The following UBAC2 variants were observed in gnomAD, a reference collection of about 807,000 sequenced individuals.
UBAC2 encodes ubiquitin-associated domain-containing protein 2.
Under a neutral mutation model 44.0 loss-of-function variants are expected in UBAC2, and 26 were observed. The ratio of observed to expected loss-of-function variants is 0.59; its 90% CI spans 0.43 to 0.82. The LOEUF (loss-of-function observed/expected upper bound fraction) is 0.82. UBAC2 is among the 40% of genes least tolerant of loss of function. The probability of loss-of-function intolerance (pLI) is 0.00; values close to 1 mark genes in which losing one functional copy is unlikely to be tolerated. For synonymous variants in UBAC2, 155 were observed against 154.3 expected, an observed-to-expected ratio of 1.00 and a Z score of -0.04; for missense variants, 329 against 419.4, an observed-to-expected ratio of 0.78 and a Z score of 1.88.
At chr13:99,267,000 C>T (rs969354052) in intron 4 of UBAC2, among the ~76,000 whole-genome samples, 5 of 152,216 alleles carry the variant, frequency 3.3e-5, no homozygotes, top group African/African-American at 4.8e-5. Flanking sequence ...TATCTTGGCT[C>T]GCAGGCACAC....
At chr13:99,212,559 C>T (rs374870437) in intron 1 of UBAC2, among the ~76,000 whole-genome samples, 3 of 152,094 alleles carry the variant, frequency 2.0e-5, no homozygotes, top group South Asian at 4.1e-4. Flanking sequence ...TTGACATTGA[C>T]GATGCAGATT....
chr13:99,312,618 T>A (rs550840419), intron 4 of UBAC2, among the ~76,000 whole-genome samples: 1 of 152,168 alleles, frequency 6.6e-6, no homozygotes, highest in Non-Finnish European at 1.5e-5. Flanking sequence ...CTGACATAGC[T>A]TGGGGGCCAC....
intron 1 of UBAC2, among the ~76,000 whole-genome samples, chr13:99,232,990 A>T (rs2043192774): frequency 6.6e-6 from 1 of 152,240 alleles, no homozygotes; most frequent in Admixed American, 6.5e-5. Context: ...GTTAAATTTG[A>T]ATTGGAAATA....
intron 1 of UBAC2, among the ~76,000 whole-genome samples, chr13:99,211,698 A>G (rs1044646165): frequency 1.3e-5 from 2 of 152,200 alleles, no homozygotes; most frequent in African/African-American, 4.8e-5. Flanking sequence ...TTGAACCCAG[A>G]TGGTCTGGCT....
intron 1 of UBAC2, among the ~76,000 whole-genome samples, chr13:99,231,899 T>A (rs1170831904): frequency 3.3e-5 from 5 of 152,178 alleles, no homozygotes; most frequent in African/African-American, 1.2e-4. Context: ...GTGACATACA[T>A]GATTGGTTGC....
intron 1 of UBAC2, among the ~76,000 whole-genome samples, chr13:99,210,689 C>T (rs535977521): frequency 7.6e-4 from 116 of 152,234 alleles, no homozygotes; most frequent in African/African-American, 2.7e-3. Context: ...TTTGGTCAGG[C>T]TGGTCTCAAA....
intron 2 of UBAC2, among the ~76,000 whole-genome samples, chr13:99,238,774 G>A (rs2043268772): frequency 6.6e-6 from 1 of 152,082 alleles, no homozygotes; most frequent in South Asian, 2.1e-4. Context: ...AGGCACATTT[G>A]TTTTCAGTTT....
chr13:99,248,373 C>T (rs1021240307), intron 4 of UBAC2, among the ~76,000 whole-genome samples: 1 of 151,198 alleles, frequency 6.6e-6, no homozygotes, highest in Non-Finnish European at 1.5e-5. Context: ...ATAGATGTGC[C>T]ACCATGCCCA....
At chr13:99,260,714 A>AT (rs957900867) in intron 4 of UBAC2, among the ~76,000 whole-genome samples, 11 of 149,318 alleles carry the variant, frequency 7.4e-5, no homozygotes, top group South Asian at 2.1e-4. Flanking sequence ...AACCTAATGA[A>AT]TTTTTTTTTT....
intron 4 of UBAC2, among the ~76,000 whole-genome samples, chr13:99,271,527 A>C (rs1394196661): frequency 2.0e-5 from 3 of 152,182 alleles, no homozygotes; most frequent in African/African-American, 7.2e-5. Context: ...GCCTTTAATC[A>C]GGGCATTCGG....
chr13:99,306,019 T>C (rs953893417), intron 4 of UBAC2, among the ~76,000 whole-genome samples: 1 of 152,098 alleles, frequency 6.6e-6, no homozygotes, highest in Admixed American at 6.6e-5. Flanking sequence ...CCTCACCCTC[T>C]TGAGTAGCTG....
chr13:99,294,820 T>G, intron 4 of UBAC2: 2 of 351,668 alleles, frequency 5.7e-6, no homozygotes, highest in African/African-American at 2.1e-5. Context: ...AGCGCCTCCT[T>G]TTGGTGTATT....
intron 4 of UBAC2, among the ~76,000 whole-genome samples, chr13:99,249,695 A>G (rs888146608): frequency 2.1e-4 from 32 of 152,196 alleles, no homozygotes; most frequent in Non-Finnish European, 5.9e-5. Flanking sequence ...CTTATATACA[A>G]CAGTGTATAA....
chr13:99,384,362 G>A lies in UBAC2; in HGVS notation c.928-866G>A, dbSNP rs552262727. ...AAATGTATTCCTGTGGCAATCTGGGGCCATGAATATTTTTGTAATATATTC... is the reference window on the plus strand; with the variant it reads ...AAATGTATTCCTGTGGCAATCTGGGACCATGAATATTTTTGTAATATATTC... On this transcript the variant is annotated intron_variant, in intron 8 of 8. Coordinates refer to ENST00000403766, the MANE Select transcript of UBAC2 (RefSeq NM_001144072.2). Among the ~76,000 whole-genome samples the A allele has an allele frequency of 3.3e-5, 5 of 152,160 alleles. No individual in the cohort carries two copies. The South Asian group carries it at 8.3e-4, about 25-fold the overall frequency.
chr13:99,210,575 T>C (rs1429000126), intron 1 of UBAC2, among the ~76,000 whole-genome samples: 1 of 151,598 alleles, frequency 6.6e-6, no homozygotes, highest in Non-Finnish European at 1.5e-5. Flanking sequence ...CCTCCTGGGT[T>C]CAAGTGATTC....
chr13:99,315,219 A>G (rs2044472570), intron 5 of UBAC2, among the ~76,000 whole-genome samples: 1 of 152,052 alleles, frequency 6.6e-6, no homozygotes, highest in African/African-American at 2.4e-5. Flanking sequence ...ATCCTACCTG[A>G]TATCCATGTA....
chr13:99,241,088 A>G (rs2043293640), intron 2 of UBAC2, among the ~76,000 whole-genome samples: 1 of 151,938 alleles, frequency 6.6e-6, no homozygotes, highest in Admixed American at 6.6e-5. Flanking sequence ...ACATGGCAAA[A>G]CACCATCTCT....
chr13:99,202,685 A>G (rs1040397679), intron 1 of UBAC2, among the ~76,000 whole-genome samples: 2 of 152,222 alleles, frequency 1.3e-5, no homozygotes, highest in South Asian at 4.1e-4. Context: ...ACTGTTGCCC[A>G]GGGAGAGGCG....
At chr13:99,226,980 C>T (rs993635015) in intron 1 of UBAC2, among the ~76,000 whole-genome samples, 2 of 152,124 alleles carry the variant, frequency 1.3e-5, no homozygotes, top group African/African-American at 2.4e-5. Flanking sequence ...GGGTGGATCA[C>T]CTGAGGCCAG....
Sources: allele counts gnomAD v4.1 joint callset (sites outside exome capture counted in the v4.1 genomes callset), GRCh38; gene constraint gnomAD v4.1.1; transcripts MANE v1.5; gene names NCBI Gene and HGNC (gene_info 2026-07-23, HGNC 2026-07-21).